XPR1: variants seen among roughly 807,000 people sequenced by gnomAD.
The protein encoded by XPR1 is solute carrier family 53 member 1.
Under a neutral mutation model 87.5 loss-of-function variants are expected in XPR1, and 28 were observed. The ratio of observed to expected loss-of-function variants is 0.32; its 90% confidence interval spans 0.24 to 0.44. The LOEUF (loss-of-function observed/expected upper bound fraction) is 0.44, where lower values mean the gene tolerates loss of function less well. XPR1 is among the 20% of genes least tolerant of loss of function. The probability of loss-of-function intolerance (pLI) is 1.00; values close to 1 mark genes in which losing one functional copy is unlikely to be tolerated. For missense variants in XPR1, 559 were observed against 862.3 expected (o/e 0.65, Z 4.41); for synonymous variants, 300 against 306.1 (o/e 0.98, Z 0.21).
chr1:180,811,282 A>G, intron 6 of XPR1, 125 bp from the exon 7 acceptor site: 4 of 800,550 alleles, frequency 5.0e-6, no homozygotes, highest in Non-Finnish European at 7.9e-6. Context: ...ATTTATAAAA[A>G]TTTAGAACAT....
rs368891739 is a variant in XPR1 at position 180,731,227 on chromosome 1, GTGTTA to G, written c.121+48817_121+48821del. The stretch of plus-strand genomic sequence containing the variant: ...GGTAGACTTTTAAAAATAAAAAGAA[GTGTTA>G]CCGAAACACCAGAGGTTTGGTCTAG... On this transcript the variant is annotated intron_variant, in intron 2 of 14. Transcript: ENST00000367590. Among the ~76,000 whole-genome samples the G allele has an allele frequency of 5.9e-3, 899 of 152,272 alleles. 11 individuals are homozygous for G. Among genetic ancestry groups the G allele is most frequent in the African/African-American group, 0.021 (858 of 41,566 alleles).
At chr1:180,815,353 T>G (rs1558021918) in intron 7 of XPR1, among the ~76,000 whole-genome samples, 1 of 152,174 alleles carries the variant, frequency 6.6e-6, no homozygotes, top group African/African-American at 2.4e-5. Flanking sequence ...GTTTTCTCAC[T>G]TCAGAACCCT....
chr1:180,740,022 A>T (rs1658865444), intron 2 of XPR1, among the ~76,000 whole-genome samples: 1 of 152,116 alleles, frequency 6.6e-6, no homozygotes. Context: ...AATTTTTTTT[A>T]AATATATTGA....
intron 1 of XPR1, among the ~76,000 whole-genome samples, chr1:180,646,757 G>A (rs1299399976): frequency 6.6e-6 from 1 of 152,150 alleles, no homozygotes; most frequent in Non-Finnish European, 1.5e-5. Context: ...CGCAGTGCAG[G>A]AAAGAGGCGT....
intron 2 of XPR1, among the ~76,000 whole-genome samples, chr1:180,763,332 T>C (rs1159386681): frequency 6.6e-6 from 1 of 152,172 alleles, no homozygotes; most frequent in African/African-American, 2.4e-5. Context: ...ATACTTGGCA[T>C]AATCTCTGGC....
chr1:180,842,541 T>C (rs1002117865), intron 11 of XPR1, among the ~76,000 whole-genome samples: 1 of 152,202 alleles, frequency 6.6e-6, no homozygotes, highest in African/African-American at 2.4e-5. Flanking sequence ...TAGTAGCCAG[T>C]CTCCATATTT....
intron 2 of XPR1, among the ~76,000 whole-genome samples, chr1:180,711,543 C>T (rs1050763443): frequency 3.3e-5 from 5 of 151,340 alleles, no homozygotes; most frequent in African/African-American, 1.2e-4. Context: ...AGGGAGGTTG[C>T]AGTGAGCAGA....
chr1:180,787,923 C>T, intron 3 of XPR1, 69 bp downstream of exon 3: 4 of 1,128,442 alleles, frequency 3.5e-6, no homozygotes, highest in Non-Finnish European at 5.2e-6. Flanking sequence ...ATTGTTTAAA[C>T]TTCTGATCAA....
chr1:180,815,732 A>G (rs144279486), intron 7 of XPR1, among the ~76,000 whole-genome samples: 3 of 152,290 alleles, frequency 2.0e-5, no homozygotes, highest in Non-Finnish European at 2.9e-5. Flanking sequence ...CAATAACAGT[A>G]TACCATATTT....
chr1:180,859,279 A>G (rs1652140597), intron 11 of XPR1, among the ~76,000 whole-genome samples: 1 of 152,138 alleles, frequency 6.6e-6, no homozygotes, highest in Non-Finnish European at 1.5e-5. Context: ...TATGGGTACA[A>G]AACTGTAAGA....
In XPR1 at chr1:180,887,949, C is replaced by T. The variant is rs1653066452; in HGVS notation, c.*3883C>T. 6.6e-6 allele frequency: 1 copy of T among 152,214 alleles called. No homozygotes were observed. The highest frequency in any genetic ancestry group is 1.5e-5 in the Non-Finnish European group (1 of 68,056). The allele number at this position is 152,214 out of a possible 1,614,324, so 9.4% of individuals were successfully genotyped here. A position where few individuals can be genotyped will look rare whatever the true frequency, so the allele number is the denominator to read the frequency against. On this transcript the variant is annotated 3_prime_UTR_variant, in exon 15 of 15. Transcript: ENST00000367590. ...AAAAGTAAAGTAGTATTGAGTCATG[C>T]AGGTATCAGATTAACAGACATTCAT...
At chr1:180,771,267 ATT>A (rs1648501931) in intron 2 of XPR1, among the ~76,000 whole-genome samples, 1 of 152,098 alleles carries the variant, frequency 6.6e-6, no homozygotes, top group Non-Finnish European at 1.5e-5. Context: ...CATTCTCTTG[ATT>A]AAGTTTGAAT....
chr1:180,719,591 T>C (rs1243234843), intron 2 of XPR1, among the ~76,000 whole-genome samples: 1 of 152,224 alleles, frequency 6.6e-6, no homozygotes, highest in African/African-American at 2.4e-5. Flanking sequence ...TTTTCCGCCT[T>C]CTTTTATTTT....
intron 10 of XPR1, among the ~76,000 whole-genome samples, chr1:180,836,080 T>A (rs1651277054): frequency 1.3e-5 from 2 of 152,186 alleles, no homozygotes; most frequent in Middle Eastern, 3.4e-3. Context: ...GAGAATAGAC[T>A]GGGCGCAGTG....
intron 1 of XPR1, among the ~76,000 whole-genome samples, chr1:180,638,784 A>G (rs935856633): frequency 2.0e-5 from 3 of 152,188 alleles, no homozygotes; most frequent in Admixed American, 6.5e-5. Flanking sequence ...GACTTGGAAC[A>G]TGGATATAAA....
chr1:180,696,398 C>A lies in XPR1; in HGVS notation c.121+13987C>A, dbSNP rs533993301. On this transcript the variant is annotated intron_variant, in intron 2 of 14. Coordinates refer to ENST00000367590, the MANE Select transcript of XPR1 (RefSeq NM_004736.4). Reference sequence around the variant, plus strand: ...TGTTAGGTTTTTCTATATCTAAGATCATGTCATCTATAAAGCAGGACAACT... The same window carrying A: ...TGTTAGGTTTTTCTATATCTAAGATAATGTCATCTATAAAGCAGGACAACT... Among the ~76,000 whole-genome samples, 5 of 151,932 alleles carry A rather than the reference C, an allele frequency of 3.3e-5. No individual in the cohort carries two copies. In the South Asian group the frequency reaches 1.0e-3, roughly 32 times the overall value.
At chr1:180,685,280 G>A (rs1456358898) in intron 2 of XPR1, among the ~76,000 whole-genome samples, 2 of 152,130 alleles carry the variant, frequency 1.3e-5, no homozygotes, top group East Asian at 1.9e-4. Context: ...TTATATGTTG[G>A]ATTACATTTA....
intron 9 of XPR1, among the ~76,000 whole-genome samples, chr1:180,828,075 G>T (rs1427885971): frequency 6.6e-6 from 1 of 151,688 alleles, no homozygotes; most frequent in Non-Finnish European, 1.5e-5. Context: ...ATGGGGTTTT[G>T]CCATGTTGCC....
At chr1:180,772,839 C>T (rs1369765858) in intron 2 of XPR1, among the ~76,000 whole-genome samples, 1 of 152,172 alleles carries the variant, frequency 6.6e-6, no homozygotes, top group Non-Finnish European at 1.5e-5. Context: ...TTGTAAATTG[C>T]CCAGTCTTGG....
Sources: gnomAD v4.1 joint callset for allele counts (sites outside exome capture counted in the v4.1 genomes callset) on GRCh38, gnomAD v4.1.1 for gene constraint, MANE v1.5 for transcripts, NCBI Gene and HGNC (gene_info 2026-07-23, HGNC 2026-07-21) for gene names.